Variants in CACNA2D1 observed in about 807,000 individuals in gnomAD.
CACNA2D1 encodes the protein voltage-dependent calcium channel subunit alpha-2/delta-1.
CACNA2D1 carries 53 observed loss-of-function variants against 171.5 expected under a neutral mutation model. The observed-to-expected ratio is 0.31, with a 90% confidence interval of 0.25 to 0.39. CACNA2D1 has a LOEUF of 0.39. Ranked by LOEUF, CACNA2D1 falls within the 10% of genes least tolerant of loss-of-function variation. The pLI, the probability that CACNA2D1 is intolerant of heterozygous loss-of-function variation, is 1.00. For missense variants in CACNA2D1, 903 were observed against 1,299.8 expected (o/e 0.69, Z 4.69); for synonymous variants, 442 against 443.1 (o/e 1.00, Z 0.03).
intron 3 of CACNA2D1, among the ~76,000 whole-genome samples, chr7:82,328,074 C>T (rs560592287): frequency 6.6e-6 from 1 of 152,288 alleles, no homozygotes; most frequent in Non-Finnish European, 1.5e-5. Context: ...TCTCATTGCC[C>T]TGTCACTGGG....
intron 12 of CACNA2D1, among the ~76,000 whole-genome samples, chr7:82,030,417 A>G (rs1343790577): frequency 6.6e-6 from 1 of 151,426 alleles, no homozygotes; most frequent in African/African-American, 2.4e-5. Context: ...GAAAAAAAAA[A>G]ACAAAAAACA....
intron 4 of CACNA2D1, among the ~76,000 whole-genome samples, chr7:82,164,272 T>C (rs1438502552): frequency 6.6e-6 from 1 of 152,058 alleles, no homozygotes; most frequent in Non-Finnish European, 1.5e-5. Context: ...GACTAGACTA[T>C]GGTTTTCTTA....
intron 18 of CACNA2D1, among the ~76,000 whole-genome samples, chr7:82,000,156 G>A (rs530771602): frequency 6.6e-6 from 1 of 152,218 alleles, no homozygotes; most frequent in South Asian, 2.1e-4. Context: ...CTACTCGGGA[G>A]GCTGAGGCAG....
intron 3 of CACNA2D1, among the ~76,000 whole-genome samples, chr7:82,204,523 G>A (rs949613454): frequency 6.6e-6 from 1 of 152,124 alleles, no homozygotes; most frequent in Non-Finnish European, 1.5e-5. Flanking sequence ...AAGTCACCAT[G>A]GGGTGGTTGC....
chr7:82,188,359 T>C (rs138501893), intron 3 of CACNA2D1, among the ~76,000 whole-genome samples: 274 of 152,292 alleles, frequency 1.8e-3, no homozygotes, highest in African/African-American at 6.2e-3. Flanking sequence ...GTAGGTGAGA[T>C]AATTTAAGCA....
chr7:82,293,435 T>C (rs1173706080), intron 3 of CACNA2D1, among the ~76,000 whole-genome samples: 1 of 152,226 alleles, frequency 6.6e-6, no homozygotes, highest in Non-Finnish European at 1.5e-5. Flanking sequence ...TGGGCAGGTT[T>C]GCTAACAGGT....
chr7:82,080,150 CCT>C (rs368441042), intron 7 of CACNA2D1, among the ~76,000 whole-genome samples: 116,724 of 149,298 alleles, frequency 0.78, 45,802 homozygotes, highest in Middle Eastern at 0.84. Context: ...CACCTATATA[CCT>C]ATATATGTAT....
intron 3 of CACNA2D1, among the ~76,000 whole-genome samples, chr7:82,228,177 G>C (rs7778945): frequency 0.033 from 5,002 of 152,192 alleles, 258 homozygotes; most frequent in African/African-American, 0.11. Flanking sequence ...CTTTAAATGA[G>C]GATCTAGTAG....
chr7:82,304,616 A>C (rs1813478852), intron 3 of CACNA2D1, among the ~76,000 whole-genome samples: 1 of 152,198 alleles, frequency 6.6e-6, no homozygotes, highest in South Asian at 2.1e-4. Flanking sequence ...AAAGACAAAT[A>C]TCACATGTTC....
chr7:81,967,691 AGG>A, intron 29 of CACNA2D1, 28 bp from the exon 30 acceptor site: 2 of 1,044,388 alleles, frequency 1.9e-6, no homozygotes, highest in Non-Finnish European at 2.9e-6. Flanking sequence ...ATTAATTCAA[AGG>A]TATAATTAGA....
chr7:82,199,539 G>T (rs1267025253), intron 3 of CACNA2D1, among the ~76,000 whole-genome samples: 1 of 152,026 alleles, frequency 6.6e-6, no homozygotes, highest in Non-Finnish European at 1.5e-5. Flanking sequence ...CAGAAACAAA[G>T]ATTCTAATTG....
At chr7:82,287,759 T>C (rs1046838475) in intron 3 of CACNA2D1, among the ~76,000 whole-genome samples, 1 of 152,162 alleles carries the variant, frequency 6.6e-6, no homozygotes, top group African/African-American at 2.4e-5. Flanking sequence ...GAACAAATTA[T>C]CAGCCATCTA....
chr7:82,431,092 G>C (rs1051089225), intron 1 of CACNA2D1, among the ~76,000 whole-genome samples: 1 of 152,100 alleles, frequency 6.6e-6, no homozygotes, highest in Non-Finnish European at 1.5e-5. Flanking sequence ...GGATGGAACA[G>C]TTCACCCACC....
At chr7:82,294,839 T>G (rs1812067171) in intron 3 of CACNA2D1, among the ~76,000 whole-genome samples, 2 of 152,198 alleles carry the variant, frequency 1.3e-5, no homozygotes, top group South Asian at 4.1e-4. Flanking sequence ...TTTTTCTAGC[T>G]ACATTTTATG....
At chr7:82,092,841 C>G (rs979161771) in intron 6 of CACNA2D1, among the ~76,000 whole-genome samples, 2 of 151,570 alleles carry the variant, frequency 1.3e-5, no homozygotes. Flanking sequence ...AAGAAATACC[C>G]TAAAGATCTT....
chr7:82,294,944 G>A (rs947964471), intron 3 of CACNA2D1, among the ~76,000 whole-genome samples: 1 of 152,084 alleles, frequency 6.6e-6, no homozygotes, highest in African/African-American at 2.4e-5. Flanking sequence ...CATATCAACT[G>A]CAGAAAACTA....
At chr7:82,420,689 T>C (rs1303809107) in intron 1 of CACNA2D1, among the ~76,000 whole-genome samples, 2 of 152,208 alleles carry the variant, frequency 1.3e-5, no homozygotes, top group African/African-American at 4.8e-5. Context: ...CTTTAAATGT[T>C]TTGAAGTCCT....
intron 6 of CACNA2D1, among the ~76,000 whole-genome samples, chr7:82,098,107 G>A (rs1812144329): frequency 6.6e-6 from 1 of 152,072 alleles, no homozygotes; most frequent in South Asian, 2.1e-4. Flanking sequence ...TCCAGCCTGG[G>A]TGACAGAGCA....
intron 3 of CACNA2D1, among the ~76,000 whole-genome samples, chr7:82,275,698 G>A (rs1809228961): frequency 6.6e-6 from 1 of 152,114 alleles, no homozygotes; most frequent in Non-Finnish European, 1.5e-5. Flanking sequence ...ATACGCACAG[G>A]AAGGCAAAGA....
Sources: gnomAD v4.1 joint callset for allele counts (sites outside exome capture counted in the v4.1 genomes callset) on GRCh38, gnomAD v4.1.1 for gene constraint, MANE v1.5 for transcripts, NCBI Gene and HGNC (gene_info 2026-07-23, HGNC 2026-07-21) for gene names.